Variants in CNTNAP5 observed in about 807,000 individuals in gnomAD.
The protein encoded by CNTNAP5 is contactin-associated protein-like 5.
In CNTNAP5, 72 loss-of-function variants were observed where a neutral mutation model predicts 150.2. The observed-to-expected ratio is 0.48, with a 90% confidence interval of 0.40 to 0.58. The LOEUF is 0.58. CNTNAP5 is among the 20% of genes least tolerant of loss of function. CNTNAP5 has a pLI of 0.00. For synonymous variants in CNTNAP5, 672 were observed against 619.8 expected, an observed-to-expected ratio of 1.08 and a Z score of -1.25; for missense variants, 1,636 against 1,626.2, an observed-to-expected ratio of 1.01 and a Z score of -0.10.
chr2:124,796,910 T>C (rs1173375989), intron 18 of CNTNAP5, among the ~76,000 whole-genome samples: 2 of 152,214 alleles, frequency 1.3e-5, no homozygotes, highest in East Asian at 3.9e-4. Context: ...AGAGATAAAA[T>C]TTAAAGTGAA....
At chr2:124,687,252 A>G (rs1337294084) in intron 13 of CNTNAP5, among the ~76,000 whole-genome samples, 1 of 151,920 alleles carries the variant, frequency 6.6e-6, no homozygotes, top group Admixed American at 6.6e-5. Context: ...TTCTGCTTGA[A>G]GAGCCTGAGC....
intron 10 of CNTNAP5, among the ~76,000 whole-genome samples, chr2:124,560,619 A>G (rs1695869650): frequency 8.1e-6 from 1 of 124,006 alleles, no homozygotes; most frequent in Non-Finnish European, 1.7e-5. Flanking sequence ...CTGTTAGTTG[A>G]ATGTAAGAGA....
intron 12 of CNTNAP5, among the ~76,000 whole-genome samples, chr2:124,629,030 C>T (rs898147978): frequency 6.6e-6 from 1 of 152,100 alleles, no homozygotes; most frequent in Non-Finnish European, 1.5e-5. Context: ...TATATATGCA[C>T]CCAATACAGG....
At chr2:124,691,667 G>A (rs1679302650) in intron 13 of CNTNAP5, among the ~76,000 whole-genome samples, 1 of 152,058 alleles carries the variant, frequency 6.6e-6, no homozygotes, top group Admixed American at 6.6e-5. Flanking sequence ...TGAAAACTCA[G>A]TCAGCGTTTC....
chr2:124,609,111 C>A (rs1677315990), intron 11 of CNTNAP5, among the ~76,000 whole-genome samples: 1 of 152,082 alleles, frequency 6.6e-6, no homozygotes. Flanking sequence ...ACTACTCTTA[C>A]AGGTTCTGTA....
chr2:124,097,134 A>G (rs1682956366), intron 1 of CNTNAP5, among the ~76,000 whole-genome samples: 1 of 152,210 alleles, frequency 6.6e-6, no homozygotes, highest in African/African-American at 2.4e-5. Context: ...ATGTTTACAT[A>G]TATTATCTCC....
Position 124,026,732 on chromosome 2 carries a change from A to G in CNTNAP5, c.82+1000A>G, listed in dbSNP as rs1301602160. Among the ~76,000 whole-genome samples, 3 of 152,208 alleles carry G rather than the reference A, an allele frequency of 2.0e-5. 1 individual carries two copies. Among genetic ancestry groups the G allele is most frequent in the South Asian group, 4.1e-4 (2 of 4,832 alleles). ...TGCTCCCATATCCCTTATCCCTGTC[A>G]TGAAGCTCAGAAATATTACCCATAT... On this transcript the variant is annotated intron_variant, in intron 1 of 23. Transcript: ENST00000682447.
intron 13 of CNTNAP5, among the ~76,000 whole-genome samples, chr2:124,703,212 C>G (rs72847309): frequency 6.8e-6 from 1 of 147,778 alleles, no homozygotes; most frequent in Non-Finnish European, 1.5e-5. Context: ...CCTTCTCCCT[C>G]TCTTTCTTCT....
At chr2:124,571,336 G>C (rs1361772465) in intron 11 of CNTNAP5, among the ~76,000 whole-genome samples, 7 of 151,964 alleles carry the variant, frequency 4.6e-5, no homozygotes, top group Non-Finnish European at 8.8e-5. Context: ...CCAAGTGTGG[G>C]ACCTTGAAAG....
chr2:124,178,663 C>G (rs982920561), intron 1 of CNTNAP5, among the ~76,000 whole-genome samples: 8 of 152,164 alleles, frequency 5.3e-5, no homozygotes, highest in Non-Finnish European at 1.0e-4. Context: ...AGAGGTAGTG[C>G]TCATTCTCCA....
chr2:124,089,295 A>C (rs998256560), intron 1 of CNTNAP5, among the ~76,000 whole-genome samples: 2 of 152,038 alleles, frequency 1.3e-5, no homozygotes, highest in Non-Finnish European at 2.9e-5. Context: ...TAAGTACAAA[A>C]GAAGAAAAAT....
At chr2:124,816,854 G>C (rs749319518) in intron 19 of CNTNAP5, among the ~76,000 whole-genome samples, 91 of 152,234 alleles carry the variant, frequency 6.0e-4, no homozygotes, top group Middle Eastern at 6.8e-3. Flanking sequence ...TAATTACAGA[G>C]AGGATATTCT....
At chr2:124,637,258 G>T (rs1409901868) in intron 12 of CNTNAP5, among the ~76,000 whole-genome samples, 4 of 152,058 alleles carry the variant, frequency 2.6e-5, no homozygotes, top group East Asian at 1.9e-4. Context: ...CCAACTCCCT[G>T]ACCCCTTCTT....
intron 1 of CNTNAP5, among the ~76,000 whole-genome samples, chr2:124,028,658 T>G (rs1680962253): frequency 1.3e-5 from 2 of 152,170 alleles, no homozygotes; most frequent in South Asian, 4.1e-4. Flanking sequence ...AAAATCATTT[T>G]ACATATAATA....
chr2:124,698,168 A>C (rs1249542156), intron 13 of CNTNAP5, among the ~76,000 whole-genome samples: 1 of 152,134 alleles, frequency 6.6e-6, no homozygotes, highest in South Asian at 2.1e-4. Context: ...TTCCTGCAGC[A>C]TGCAAAATGG....
intron 3 of CNTNAP5, among the ~76,000 whole-genome samples, chr2:124,257,901 C>T (rs1687353786): frequency 1.3e-5 from 2 of 152,078 alleles, no homozygotes; most frequent in Non-Finnish European, 2.9e-5. Flanking sequence ...TGTCTCATTC[C>T]ACAGTGATAA....
At chr2:124,284,393 G>A (rs1688093094) in intron 3 of CNTNAP5, among the ~76,000 whole-genome samples, 1 of 152,042 alleles carries the variant, frequency 6.6e-6, no homozygotes, top group South Asian at 2.1e-4. Context: ...GAGGGGCTAG[G>A]TTGGCCAGAA....
chr2:124,572,280 A>G (rs887856913), intron 11 of CNTNAP5, among the ~76,000 whole-genome samples: 1 of 152,040 alleles, frequency 6.6e-6, no homozygotes, highest in Admixed American at 6.6e-5. Context: ...GTCTTCTTAA[A>G]AGGAAACAGC....
intron 3 of CNTNAP5, among the ~76,000 whole-genome samples, chr2:124,252,462 C>A (rs549689567): frequency 6.6e-6 from 1 of 152,276 alleles, no homozygotes; most frequent in Non-Finnish European, 1.5e-5. Context: ...CCCTGCCCAG[C>A]AGAGTCCAGG....
Sources: allele counts gnomAD v4.1 joint callset (sites outside exome capture counted in the v4.1 genomes callset), GRCh38; gene constraint gnomAD v4.1.1; transcripts MANE v1.5; gene names NCBI Gene and HGNC (gene_info 2026-07-23, HGNC 2026-07-21).